CADM2: variants seen among roughly 807,000 people sequenced by gnomAD.
CADM2 encodes cell adhesion molecule 2.
A neutral mutation model predicts 49.8 loss-of-function variants in CADM2; 12 were observed. The observed-to-expected ratio is 0.24, with a 90% CI of 0.15 to 0.39. The LOEUF (loss-of-function observed/expected upper bound fraction) is 0.39, where lower values mean the gene tolerates loss of function less well. CADM2 is among the 10% of genes least tolerant of loss of function. The pLI is 1.00. For missense variants in CADM2, 378 were observed against 492.3 expected (o/e 0.77, Z 2.20); for synonymous variants, 214 against 175.4 (o/e 1.22, Z -1.74).
chr3:85,773,879 A>T (rs577639622), intron 2 of CADM2, among the ~76,000 whole-genome samples: 2 of 152,116 alleles, frequency 1.3e-5, no homozygotes, highest in South Asian at 4.1e-4. Context: ...CTAGAAATTG[A>T]TGTAATTTTA....
chr3:85,051,525 G>A (rs747076726), intron 1 of CADM2, among the ~76,000 whole-genome samples: 11 of 152,170 alleles, frequency 7.2e-5, no homozygotes, highest in Non-Finnish European at 1.5e-4. Flanking sequence ...TCCCATTGTA[G>A]GGACGGGGGG....
intron 1 of CADM2, among the ~76,000 whole-genome samples, chr3:85,683,197 T>C (rs1185057793): frequency 6.6e-6 from 1 of 151,246 alleles, no homozygotes; most frequent in Non-Finnish European, 1.5e-5. Flanking sequence ...CATTTAACTT[T>C]TATATCCCCT....
chr3:86,031,131 C>T (rs1277350853), intron 8 of CADM2, among the ~76,000 whole-genome samples: 3 of 151,720 alleles, frequency 2.0e-5, no homozygotes, highest in Non-Finnish European at 3.0e-5. Flanking sequence ...GATTAAATTA[C>T]ATAAGTAATA....
chr3:85,417,508 G>A (rs1050373485), intron 1 of CADM2, among the ~76,000 whole-genome samples: 3 of 152,146 alleles, frequency 2.0e-5, no homozygotes, highest in African/African-American at 7.2e-5. Flanking sequence ...AATGTAGGCA[G>A]AATAGAATGG....
At chr3:85,476,755 A>C (rs2038991303) in intron 1 of CADM2, among the ~76,000 whole-genome samples, 1 of 151,908 alleles carries the variant, frequency 6.6e-6, no homozygotes, top group African/African-American at 2.4e-5. Flanking sequence ...AAGGAGCAGA[A>C]TCTATTTTTA....
At chr3:85,155,204 G>A (rs2040068910) in intron 1 of CADM2, among the ~76,000 whole-genome samples, 1 of 149,938 alleles carries the variant, frequency 6.7e-6, no homozygotes, top group African/African-American at 2.5e-5. Context: ...CATCTCACGT[G>A]CAGAGACACA....
chr3:85,692,781 T>C (rs1265125332), intron 1 of CADM2, among the ~76,000 whole-genome samples: 1 of 152,168 alleles, frequency 6.6e-6, no homozygotes, highest in Non-Finnish European at 1.5e-5. Context: ...ACATAAGAAA[T>C]ATTTAGCGTG....
At chr3:85,545,744 TATC>T (rs1367035117) in intron 1 of CADM2, among the ~76,000 whole-genome samples, 1 of 152,164 alleles carries the variant, frequency 6.6e-6, no homozygotes, top group Admixed American at 6.5e-5. Flanking sequence ...TTAGGAGCAG[TATC>T]ATAAAATCTG....
At chr3:85,363,461 AG>A (rs1268671508) in intron 1 of CADM2, among the ~76,000 whole-genome samples, 8 of 152,008 alleles carry the variant, frequency 5.3e-5, no homozygotes, top group South Asian at 4.2e-4. Context: ...AATACCCCCA[AG>A]TAATCCTTTC....
chr3:85,713,957 C>T (rs1037231), intron 1 of CADM2, among the ~76,000 whole-genome samples: 63,472 of 151,928 alleles, frequency 0.42, 13,331 homozygotes, highest in South Asian at 0.49. Flanking sequence ...GTATTTGATA[C>T]GGTGGCTTTA....
chr3:86,013,014 C>A, intron 8 of CADM2: 1 of 972,942 alleles, frequency 1.0e-6, no homozygotes, highest in Non-Finnish European at 1.7e-6. Context: ...TAAACATTAT[C>A]GATTATGTGC....
chr3:85,039,448 C>G (rs971949652), intron 1 of CADM2, among the ~76,000 whole-genome samples: 1 of 151,990 alleles, frequency 6.6e-6, no homozygotes, highest in African/African-American at 2.4e-5. Context: ...ATTCACCCTC[C>G]ACCTTATAGT....
At chr3:85,613,786 A>T (rs1313093997) in intron 1 of CADM2, among the ~76,000 whole-genome samples, 1 of 151,698 alleles carries the variant, frequency 6.6e-6, no homozygotes, top group African/African-American at 2.4e-5. Context: ...CATTTTTATT[A>T]ATATCAGAAA....
At chr3:85,205,615 G>A (rs1486616836) in intron 1 of CADM2, among the ~76,000 whole-genome samples, 1 of 151,818 alleles carries the variant, frequency 6.6e-6, no homozygotes, top group African/African-American at 2.4e-5. Context: ...AGAGTAAAAA[G>A]TAGCTTATGC....
At chr3:85,143,608 T>C (rs2039644290) in intron 1 of CADM2, among the ~76,000 whole-genome samples, 1 of 152,226 alleles carries the variant, frequency 6.6e-6, no homozygotes, top group Non-Finnish European at 1.5e-5. Flanking sequence ...GTGTGAATGA[T>C]AAGAACATAG....
intron 1 of CADM2, among the ~76,000 whole-genome samples, chr3:85,133,643 G>A (rs2039308270): frequency 6.6e-6 from 1 of 152,106 alleles, no homozygotes; most frequent in Non-Finnish European, 1.5e-5. Context: ...GTCGATTGGT[G>A]CATTCACAAA....
chr3:85,945,681 G>A (rs147123673), intron 7 of CADM2, among the ~76,000 whole-genome samples: 2,628 of 151,796 alleles, frequency 0.017, 76 homozygotes, highest in African/African-American at 0.061. Flanking sequence ...CAAAAACCAC[G>A]TGATTATCTC....
intron 1 of CADM2, among the ~76,000 whole-genome samples, chr3:85,051,516 C>G (rs2035881464): frequency 6.6e-6 from 1 of 152,086 alleles, no homozygotes; most frequent in African/African-American, 2.4e-5. Flanking sequence ...TATCCAAGAT[C>G]CCATTGTAGG....
intron 1 of CADM2, among the ~76,000 whole-genome samples, chr3:85,556,998 C>T (rs1400691772): frequency 1.3e-5 from 2 of 151,978 alleles, no homozygotes; most frequent in Non-Finnish European, 2.9e-5. Context: ...GATTTTAATA[C>T]CATTTTTATG....
Sources: gnomAD v4.1 joint callset for allele counts (sites outside exome capture counted in the v4.1 genomes callset) on GRCh38, gnomAD v4.1.1 for gene constraint, MANE v1.5 for transcripts, NCBI Gene and HGNC (gene_info 2026-07-23, HGNC 2026-07-21) for gene names.